Variants in RBM19 observed in about 807,000 individuals in gnomAD.
RBM19 encodes the protein RNA binding motif protein 19.
Under a neutral mutation model 116.8 loss-of-function variants are expected in RBM19, and 94 were observed. That is an observed-to-expected ratio of 0.80 (90% CI 0.68 to 0.95). The LOEUF (loss-of-function observed/expected upper bound fraction) is 0.95, where lower values mean the gene tolerates loss of function less well. Among genes scored for constraint, RBM19 ranks in the 40% least tolerant of loss-of-function variants. The pLI is 0.00. For synonymous variants in RBM19, 475 were observed against 494.1 expected (o/e 0.96, Z 0.51); for missense variants, 1,161 against 1,220.7 (o/e 0.95, Z 0.73).
chr12:113,950,184 C>A (rs752564472), intron 8 of RBM19, 30 bp from the exon 9 acceptor site: 2 of 1,550,620 alleles, frequency 1.3e-6, no homozygotes, highest in Non-Finnish European at 8.9e-7. Flanking sequence ...GAGGTAAAAT[C>A]TGCAGGCCTT....
At chr12:113,824,122 T>C (rs533691421) in intron 23 of RBM19, among the ~76,000 whole-genome samples, 1 of 152,266 alleles carries the variant, frequency 6.6e-6, no homozygotes, top group African/African-American at 2.4e-5. Context: ...CACAAGCACC[T>C]CCTGATTAGG....
chr12:113,963,285 CACTATGGA>C (rs1478964575), intron 1 of RBM19, among the ~76,000 whole-genome samples: 1 of 152,214 alleles, frequency 6.6e-6, no homozygotes, highest in Non-Finnish European at 1.5e-5. Context: ...AGAAGCCCCA[CACTATGGA>C]AAACAGGCTC....
At chr12:113,947,689 C>G (rs1871150116) in intron 10 of RBM19, among the ~76,000 whole-genome samples, 1 of 152,212 alleles carries the variant, frequency 6.6e-6, no homozygotes, top group African/African-American at 2.4e-5. Context: ...CTCCCCATGC[C>G]TCAGTCTTTT....
chr12:113,892,134 T>C (rs368846924), intron 21 of RBM19, among the ~76,000 whole-genome samples: 1 of 152,158 alleles, frequency 6.6e-6, no homozygotes, highest in South Asian at 2.1e-4. Context: ...GCTCTCAGCA[T>C]CCTATGAATA....
chr12:113,957,866 G>A lies in RBM19; in HGVS notation c.756C>T (p.Val252=). The change falls in exon 6 of 24, where the codon GTC becomes GTT. Residue 252 remains valine, a synonymous_variant. Transcript: ENST00000261741. ...AEEEDSSATP[V]LQERDSKGAG... Reference sequence around the variant, plus strand: ...CACCCTTGCTGTCTCTTTCCTGCAGGACTGGGGTGGCGGAGGAATCCTCTT... The same window carrying A: ...CACCCTTGCTGTCTCTTTCCTGCAGAACTGGGGTGGCGGAGGAATCCTCTT... 6.2e-7 allele frequency: 1 copy of A among 1,614,114 alleles called. No homozygotes were observed. Among genetic ancestry groups the A allele is most frequent in the Non-Finnish European group, 8.5e-7 (1 of 1,180,002 alleles).
downstream of RBM19, among the ~76,000 whole-genome samples, chr12:113,821,644 T>A (rs1333469666): frequency 6.6e-6 from 1 of 152,062 alleles, no homozygotes; most frequent in Non-Finnish European, 1.5e-5. Flanking sequence ...TGGCTGGGCG[T>A]GATGGCTCAC....
At chr12:113,885,716 G>A (rs1276079642) in intron 21 of RBM19, among the ~76,000 whole-genome samples, 2 of 152,148 alleles carry the variant, frequency 1.3e-5, no homozygotes, top group African/African-American at 4.8e-5. Context: ...GGAATATAGA[G>A]AGAATGATAA....
rs552670345 is a variant in RBM19, at chr12:113,957,679, G to A, written c.840+103C>T. 17 of 1,451,704 alleles carry A rather than the reference G, an allele frequency of 1.2e-5. No individual in the cohort carries two copies. In the South Asian group the frequency reaches 1.6e-4, roughly 14 times the overall value. 89.9% of individuals were successfully genotyped at this position (1,451,704 alleles called of 1,614,324 possible). ...GGAAGGCTTTGGACTGCAGAGCTGC[G>A]TCTTTCCCCAACATTCCGCTCTCCT... On this transcript the variant is annotated intron_variant, in intron 6 of 23. Transcript: ENST00000261741.
At chr12:113,831,730 C>T (rs574158194) in intron 23 of RBM19, among the ~76,000 whole-genome samples, 2 of 152,224 alleles carry the variant, frequency 1.3e-5, no homozygotes, top group African/African-American at 2.4e-5. Context: ...CTTCCCCACA[C>T]GGACAGCCGC....
chr12:113,946,613 G>C (rs1448629307), intron 11 of RBM19, 138 bp from the exon 12 acceptor site: 8 of 1,113,574 alleles, frequency 7.2e-6, no homozygotes, highest in Non-Finnish European at 1.0e-5. Context: ...AGGGAGGTCA[G>C]GTAGAACGTG....
At chr12:113,901,216 C>T (rs917889619) in intron 21 of RBM19, among the ~76,000 whole-genome samples, 1 of 152,154 alleles carries the variant, frequency 6.6e-6, no homozygotes, top group Admixed American at 6.5e-5. Flanking sequence ...TCCCTAGGTA[C>T]AGTTAGCCTA....
intron 21 of RBM19, among the ~76,000 whole-genome samples, chr12:113,874,606 C>CTACA (rs1290290191): frequency 6.6e-6 from 1 of 152,240 alleles, no homozygotes; most frequent in Non-Finnish European, 1.5e-5. Flanking sequence ...TAACCAGCTT[C>CTACA]AGCCCTTGAA....
Position 113,825,349 on chromosome 12 carries a change from TG to T in RBM19, c.2786-2029del, listed in dbSNP as rs142399075. On this transcript the variant is annotated intron_variant, in intron 23 of 23. Transcript: ENST00000261741. This position sits in a 1 kb window ranked among gnomAD's most constrained non-coding sequence, Gnocchi z 5.7. ...AGGGGGACAGGGTGGGCTGGGGTGGTGGGGGCTGGCGGCCCGGGGCTCGGAC... is the reference window on the plus strand; with the variant it reads ...AGGGGGACAGGGTGGGCTGGGGTGGTGGGGCTGGCGGCCCGGGGCTCGGAC... 9.1e-3 allele frequency among the ~76,000 whole-genome samples: 1,320 copies of T among 144,892 alleles called. 27 individuals are homozygous for T. The highest frequency in any genetic ancestry group is 0.031 in the African/African-American group (1,241 of 39,624).
intron 18 of RBM19, among the ~76,000 whole-genome samples, chr12:113,922,907 G>A (rs955793225): frequency 1.1e-4 from 17 of 152,208 alleles, no homozygotes; most frequent in Non-Finnish European, 1.5e-5. Context: ...GCCAAGGCAG[G>A]CAGATCACTT....
At chr12:113,952,642 C>A (rs747202573) in intron 7 of RBM19, 52 bp from the exon 8 acceptor site, 2 of 1,477,700 alleles carry the variant, frequency 1.4e-6, no homozygotes, top group African/African-American at 1.4e-5. Flanking sequence ...AAAGTACAAC[C>A]CAACGAAAAG....
chr12:113,846,978 G>T (rs959657180), intron 22 of RBM19, among the ~76,000 whole-genome samples: 3 of 152,168 alleles, frequency 2.0e-5, no homozygotes, highest in African/African-American at 7.2e-5. Flanking sequence ...TTCCCAAAGT[G>T]CTGGGATTAC....
chr12:113,914,820 A>G, intron 21 of RBM19, 149 bp downstream of exon 21: 1 of 732,712 alleles, frequency 1.4e-6, no homozygotes, highest in Non-Finnish European at 2.4e-6. Context: ...TAAGGGAGAT[A>G]AATCAAAAGC....
At chr12:113,946,303 G>A (rs773645064) in intron 12 of RBM19, 51 bp downstream of exon 12, 3 of 1,612,790 alleles carry the variant, frequency 1.9e-6, no homozygotes, top group Non-Finnish European at 2.5e-6. Context: ...GCAGGGTGAG[G>A]GTGGCAGAGG....
chr12:113,912,811 C>T (rs1882525488), intron 21 of RBM19, among the ~76,000 whole-genome samples: 1 of 152,130 alleles, frequency 6.6e-6, no homozygotes, highest in African/African-American at 2.4e-5. Flanking sequence ...TGACCTTTAC[C>T]GGCCAGTGGC....
Sources: gnomAD v4.1 joint callset for allele counts (sites outside exome capture counted in the v4.1 genomes callset) on GRCh38, gnomAD v4.1.1 for gene constraint, Gnocchi (gnomAD v3.1) non-coding constraint, MANE v1.5 for transcripts, NCBI Gene and HGNC (gene_info 2026-07-23, HGNC 2026-07-21) for gene names.